The following CHST11 variants were observed in gnomAD, a reference collection of about 807,000 sequenced individuals.
The protein encoded by CHST11 is carbohydrate sulfotransferase 11.
In CHST11, 9 loss-of-function variants were observed where a neutral mutation model predicts 30.4. The observed-to-expected ratio is 0.30, with a 90% confidence interval of 0.18 to 0.52. The LOEUF (loss-of-function observed/expected upper bound fraction) is 0.52. CHST11 is among the 20% of genes least tolerant of loss of function. The pLI, the probability that CHST11 is intolerant of heterozygous loss-of-function variation, is 0.97. For missense variants in CHST11, 348 were observed against 460.6 expected, an observed-to-expected ratio of 0.76 and a Z score of 2.24; for synonymous variants, 152 against 187.8, an observed-to-expected ratio of 0.81 and a Z score of 1.56.
At chr12:104,493,517 A>T (rs771478217) in intron 1 of CHST11, among the ~76,000 whole-genome samples, 1 of 152,200 alleles carries the variant, frequency 6.6e-6, no homozygotes, top group Middle Eastern at 3.2e-3. Context: ...GGCTTTGGAC[A>T]TGTCCTGGTG....
At chr12:104,614,976 T>C (rs368636643) in intron 2 of CHST11, among the ~76,000 whole-genome samples, 1 of 152,210 alleles carries the variant, frequency 6.6e-6, no homozygotes, top group Non-Finnish European at 1.5e-5. Flanking sequence ...TGAGTTCCAC[T>C]GTAGCTCCAG....
chr12:104,633,508 G>GA (rs1307962805), intron 2 of CHST11, among the ~76,000 whole-genome samples: 9 of 141,012 alleles, frequency 6.4e-5, no homozygotes, highest in Non-Finnish European at 9.0e-5. Flanking sequence ...TCTGTCTCTT[G>GA]GGTTCAGGCA....
rs1592881546 is a variant in CHST11 at position 104,759,973 on chromosome 12, G to A, written c.*2170G>A. On this transcript the variant is annotated 3_prime_UTR_variant, in exon 3 of 3. Coordinates refer to ENST00000303694, the MANE Select transcript of CHST11 (RefSeq NM_018413.6). ...ACAGGTTCCAGGAGGCATCAGGTTG[G>A]TGTGATGCAGACTAAGGGTTTTGTG... 1 of 152,202 alleles carries A rather than the reference G, an allele frequency of 6.6e-6. No homozygotes were observed. The highest frequency in any genetic ancestry group is 6.5e-5 in the Admixed American group (1 of 15,280). 9.4% of individuals were successfully genotyped at this position (152,202 alleles called of 1,614,324 possible).
rs2040512153 is a variant in CHST11 at position 104,760,203 on chromosome 12, T to G, written c.*2400T>G. Reference sequence around the variant, plus strand: ...CCGAGTATACTTTGCTTAGGTTGACTTAGCATATCTGAGGTCTTCAAGGAT... The same window carrying G: ...CCGAGTATACTTTGCTTAGGTTGACGTAGCATATCTGAGGTCTTCAAGGAT... On this transcript the variant is annotated 3_prime_UTR_variant, in exon 3 of 3. Coordinates refer to ENST00000303694, the MANE Select transcript of CHST11 (RefSeq NM_018413.6). 1.3e-5 allele frequency: 2 copies of G among 152,058 alleles called. No homozygotes were observed. The highest frequency in any genetic ancestry group is 4.8e-5 in the African/African-American group (2 of 41,398). 9.4% of individuals were successfully genotyped at this position (152,058 alleles called of 1,614,324 possible).
chr12:104,614,675 GTGTGTGTGCATGCATGCT>G (rs1566008734), intron 2 of CHST11, among the ~76,000 whole-genome samples: 1 of 145,312 alleles, frequency 6.9e-6, no homozygotes. Context: ...GCTTATGCAT[GTGTGTGTGCATGCATGCT>G]TGTGTGTGTG....
intron 1 of CHST11, among the ~76,000 whole-genome samples, chr12:104,582,869 G>C (rs1189275622): frequency 6.6e-6 from 1 of 151,498 alleles, no homozygotes; most frequent in East Asian, 2.0e-4. Flanking sequence ...TTCTCCCCAA[G>C]TCACCCAGCT....
At chr12:104,561,664 T>G (rs1325949451) in intron 1 of CHST11, among the ~76,000 whole-genome samples, 1 of 152,192 alleles carries the variant, frequency 6.6e-6, no homozygotes, top group Non-Finnish European at 1.5e-5. Context: ...AACAACGCCC[T>G]GTATCTTCTG....
chr12:104,722,166 G>GTGTGTGTGTGTGTGTA (rs1181297232), intron 2 of CHST11, among the ~76,000 whole-genome samples: 1 of 136,056 alleles, frequency 7.3e-6, no homozygotes, highest in Non-Finnish European at 1.5e-5. Flanking sequence ...GTGTGTGTGT[G>GTGTGTGTGTGTGTGTA]TGTGTGTGTG....
chr12:104,671,859 C>G (rs1019306968), intron 2 of CHST11, among the ~76,000 whole-genome samples: 1 of 152,076 alleles, frequency 6.6e-6, no homozygotes, highest in African/African-American at 2.4e-5. Flanking sequence ...ACCTTGTAGG[C>G]GTGTGGCATT....
chr12:104,566,948 G>A (rs2038573122), intron 1 of CHST11, among the ~76,000 whole-genome samples: 1 of 152,016 alleles, frequency 6.6e-6, no homozygotes, highest in Non-Finnish European at 1.5e-5. Context: ...GTGTAAGGCA[G>A]TCTTCTTGTA....
chr12:104,747,936 G>A lies in CHST11; in HGVS notation c.205-9013G>A, dbSNP rs184416879. 2.4e-3 allele frequency among the ~76,000 whole-genome samples: 371 copies of A among 152,290 alleles called. 2 individuals are homozygous for A. The highest frequency in any genetic ancestry group is 8.5e-3 in the African/African-American group (355 of 41,554). ...CCAGCTCTTCCTTTTAAGATGAAAC[G>A]TAGTAAAATTTTAAAGACTTTTTCA... is the stretch of plus-strand genomic sequence containing the variant. On this transcript the variant is annotated intron_variant, in intron 2 of 2. Coordinates refer to ENST00000303694, the MANE Select transcript of CHST11 (RefSeq NM_018413.6).
chr12:104,626,374 T>G (rs1295538489), intron 2 of CHST11, among the ~76,000 whole-genome samples: 1 of 152,166 alleles, frequency 6.6e-6, no homozygotes, highest in Non-Finnish European at 1.5e-5. Flanking sequence ...TACAATTATG[T>G]CATTAACAAC....
chr12:104,467,315 G>A (rs2037469262), intron 1 of CHST11, among the ~76,000 whole-genome samples: 1 of 152,184 alleles, frequency 6.6e-6, no homozygotes, highest in African/African-American at 2.4e-5. Context: ...GAAAATGGAA[G>A]GTCTGGTGTC....
chr12:104,618,252 G>A (rs185639347), intron 2 of CHST11, among the ~76,000 whole-genome samples: 1 of 126,996 alleles, frequency 7.9e-6, no homozygotes, highest in South Asian at 2.6e-4. Flanking sequence ...AAAGCAGGGT[G>A]TTGCTCTGTT....
At chr12:104,503,961 G>A (rs1029022079) in intron 1 of CHST11, among the ~76,000 whole-genome samples, 2 of 152,212 alleles carry the variant, frequency 1.3e-5, no homozygotes, top group Non-Finnish European at 2.9e-5. Flanking sequence ...ACTCAACCTT[G>A]TAATTTTGGG....
At chr12:104,546,481 A>C (rs1313645802) in intron 1 of CHST11, among the ~76,000 whole-genome samples, 1 of 32,994 alleles carries the variant, frequency 3.0e-5, no homozygotes, top group African/African-American at 7.2e-5. Flanking sequence ...AAAAAAAAAG[A>C]TTTAAATTTC....
chr12:104,674,046 C>G (rs1003518903), intron 2 of CHST11, among the ~76,000 whole-genome samples: 1 of 152,188 alleles, frequency 6.6e-6, no homozygotes, highest in Admixed American at 6.5e-5. Context: ...GATTTCCTCC[C>G]CTGAGTCTGA....
At chr12:104,462,111 G>C (rs1748655648) in intron 1 of CHST11, among the ~76,000 whole-genome samples, 1 of 144,134 alleles carries the variant, frequency 6.9e-6, no homozygotes, top group South Asian at 2.2e-4. Context: ...AGGTTGCAGT[G>C]AGCTGAGATT....
In CHST11 at chr12:104,457,190, G is replaced by T; in HGVS notation, c.-222G>T. ...AGGAGCAGGAGCGCGCAGCCAGCGGGTCCACGCATCTCAGCACTTCCAGAC... is the reference window on the plus strand; with the variant it reads ...AGGAGCAGGAGCGCGCAGCCAGCGGTTCCACGCATCTCAGCACTTCCAGAC... On this transcript the variant is annotated 5_prime_UTR_variant, in exon 1 of 3. Transcript: ENST00000303694. The T allele has an allele frequency of 2.6e-6, 1 of 391,170 alleles. No homozygotes were observed. Among genetic ancestry groups the T allele is most frequent in the Non-Finnish European group, 4.6e-6 (1 of 218,186 alleles). The allele number at this position is 391,170 out of a possible 1,614,324, so 24.2% of individuals were successfully genotyped here. A position where few individuals can be genotyped will look rare whatever the true frequency, so the allele number is the denominator to read the frequency against.
Sources: gnomAD v4.1 joint callset for allele counts (sites outside exome capture counted in the v4.1 genomes callset) on GRCh38, gnomAD v4.1.1 for gene constraint, MANE v1.5 for transcripts, NCBI Gene and HGNC (gene_info 2026-07-23, HGNC 2026-07-21) for gene names.